The following TMOD1 variants were observed in gnomAD, a reference collection of about 807,000 sequenced individuals.
TMOD1 encodes tropomodulin 1, also known as tropomodulin-1.
TMOD1 carries 17 observed loss-of-function variants against 40.6 expected under a neutral mutation model. The observed-to-expected ratio is 0.42, with a 90% CI of 0.29 to 0.63. The LOEUF is 0.63. TMOD1 is among the 20% of genes least tolerant of loss of function. TMOD1 has a pLI of 0.22. For synonymous variants in TMOD1, 181 were observed against 175.0 expected (o/e 1.03, Z -0.27); for missense variants, 391 against 447.6 (o/e 0.87, Z 1.14).
intron 3 of TMOD1, among the ~76,000 whole-genome samples, chr9:97,552,756 C>T (rs1044140276): frequency 5.9e-5 from 9 of 152,202 alleles, no homozygotes; most frequent in African/African-American, 9.7e-5. Context: ...TCACCAGTTC[C>T]TATGGGTGGG....
At chr9:97,576,654 G>GA (rs1830945235) in intron 8 of TMOD1, among the ~76,000 whole-genome samples, 1 of 148,788 alleles carries the variant, frequency 6.7e-6, no homozygotes, top group African/African-American at 2.5e-5. Context: ...CTTTTTTTGA[G>GA]ACGGAGTCTT....
At chr9:97,501,517 A>G (rs139470141), upstream of TMOD1, 11,594 of 149,556 alleles carry the variant, frequency 0.078, 732 homozygotes, top group African/African-American at 0.18. Flanking sequence ...CCGACGGGGA[A>G]GTGCGCTGCG....
chr9:97,580,310 G>C (rs1469321913), intron 8 of TMOD1, among the ~76,000 whole-genome samples: 2 of 152,104 alleles, frequency 1.3e-5, no homozygotes, highest in African/African-American at 2.4e-5. Context: ...GCAGTTGTAA[G>C]AAATAATACA....
rs891420553 is a variant in TMOD1, at chr9:97,599,998, G to A, written c.*300G>A. 1 of 1,177,440 alleles carries A rather than the reference G, an allele frequency of 8.5e-7. No homozygotes were observed. The highest frequency in any genetic ancestry group is 1.6e-5 in the African/African-American group (1 of 64,334). 72.9% of individuals were successfully genotyped at this position (1,177,440 alleles called of 1,614,324 possible). ...TCCAGCAGCAGCGACTTAGCCCCAG[G>A]AGCCCAGTTTCAATGGCCTTGCTGT... On this transcript the variant is annotated 3_prime_UTR_variant, in exon 10 of 10. Coordinates refer to ENST00000259365, the MANE Select transcript of TMOD1 (RefSeq NM_003275.4).
At chr9:97,550,655 C>A (rs1245689644) in intron 3 of TMOD1, among the ~76,000 whole-genome samples, 2 of 152,140 alleles carry the variant, frequency 1.3e-5, no homozygotes, top group Admixed American at 1.3e-4. Flanking sequence ...TGCTTGTTGG[C>A]CATATGTATA....
intron 8 of TMOD1, among the ~76,000 whole-genome samples, chr9:97,577,728 GC>G (rs1289605711): frequency 6.6e-6 from 1 of 152,120 alleles, no homozygotes; most frequent in African/African-American, 2.4e-5. Flanking sequence ...CCAAGATCGT[GC>G]TATGCACTCC....
intron 1 of TMOD1, among the ~76,000 whole-genome samples, chr9:97,506,877 G>A (rs941670862): frequency 1.3e-5 from 2 of 152,228 alleles, no homozygotes; most frequent in African/African-American, 4.8e-5. Flanking sequence ...GGTTCAGTAG[G>A]TATGAGATGG....
At chr9:97,594,111 T>G (rs780329802) in intron 9 of TMOD1, among the ~76,000 whole-genome samples, 7 of 152,132 alleles carry the variant, frequency 4.6e-5, no homozygotes, top group South Asian at 2.1e-4. Context: ...CGTGGCAGTT[T>G]CCTGGACGGT....
chr9:97,521,805 T>C (rs558881501), intron 1 of TMOD1, among the ~76,000 whole-genome samples: 1 of 152,332 alleles, frequency 6.6e-6, no homozygotes, highest in African/African-American at 2.4e-5. Flanking sequence ...CTCCTGCAAA[T>C]AGGCCGACAC....
In TMOD1 at chr9:97,601,657, G is replaced by C. The variant is rs1327976627; in HGVS notation, c.*1959G>C. On this transcript the variant is annotated 3_prime_UTR_variant, in exon 10 of 10. Transcript: ENST00000259365. ...TTTCCGATTTTGCAGGCCACATAGT[G>C]TCTGTTGCAACTATTCAACTCTGCC... The C allele has an allele frequency of 1.2e-6, 1 of 841,690 alleles. No individual in the cohort carries two copies. Among genetic ancestry groups the C allele is most frequent in the Non-Finnish European group, 1.4e-6 (1 of 698,308 alleles). 52.1% of individuals were successfully genotyped at this position (841,690 alleles called of 1,614,324 possible).
chr9:97,524,499 T>G lies in TMOD1; in HGVS notation c.120+191T>G, dbSNP rs10982510. ...CCAGAGAAAGAGAGAACCAATAGGG[T>G]GTGTGTGTGTGTGTGTGTGTGTATG... On this transcript the variant is annotated intron_variant, in intron 2 of 9. Coordinates refer to ENST00000259365, the MANE Select transcript of TMOD1 (RefSeq NM_003275.4). Among the ~76,000 whole-genome samples, 10 of 142,200 alleles carry G rather than the reference T, an allele frequency of 7.0e-5. No homozygotes were observed. Among genetic ancestry groups the G allele is most frequent in the Middle Eastern group, 6.9e-3 (2 of 290 alleles). 93.3% of individuals were successfully genotyped at this position (142,200 alleles called of 152,430 possible). A position where few individuals can be genotyped will look rare whatever the true frequency, so the allele number is the denominator to read the frequency against.
At chr9:97,568,805 C>A in intron 7 of TMOD1, 89 bp from the exon 8 acceptor site, 1 of 1,471,982 alleles carries the variant, frequency 6.8e-7, no homozygotes, top group Non-Finnish European at 9.4e-7. Flanking sequence ...TCCTCCTGTT[C>A]CCCTAGGTGT....
chr9:97,525,456 A>C (rs1031330572), intron 2 of TMOD1, among the ~76,000 whole-genome samples: 2 of 152,256 alleles, frequency 1.3e-5, no homozygotes, highest in African/African-American at 4.8e-5. Flanking sequence ...AGATAGTTGT[A>C]GCTGGTATTT....
intron 1 of TMOD1, among the ~76,000 whole-genome samples, chr9:97,521,567 G>A (rs1359041668): frequency 6.6e-6 from 1 of 152,172 alleles, no homozygotes; most frequent in Non-Finnish European, 1.5e-5. Flanking sequence ...CTTCAGGAAG[G>A]TTTTTTCGTC....
At chr9:97,515,482 G>A (rs1829790349) in intron 1 of TMOD1, among the ~76,000 whole-genome samples, 1 of 151,780 alleles carries the variant, frequency 6.6e-6, no homozygotes, top group Non-Finnish European at 1.5e-5. Context: ...GTTTTGCCAT[G>A]TTGCCCAGGC....
At chr9:97,597,696 C>CAAAAAAAAAAAA (rs56273168) in intron 9 of TMOD1, among the ~76,000 whole-genome samples, 1 of 70,018 alleles carries the variant, frequency 1.4e-5, no homozygotes. Flanking sequence ...GACTCCGTCT[C>CAAAAAAAAAAAA]AAAAAAAAAA....
chr9:97,582,382 A>G (rs1196768279), intron 8 of TMOD1, among the ~76,000 whole-genome samples: 1 of 148,072 alleles, frequency 6.8e-6, no homozygotes, highest in East Asian at 2.0e-4. Flanking sequence ...TACCAGTACC[A>G]TGCTGTTTTG....
At chr9:97,528,542 A>T (rs1830050443) in intron 2 of TMOD1, among the ~76,000 whole-genome samples, 1 of 152,124 alleles carries the variant, frequency 6.6e-6, no homozygotes, top group African/African-American at 2.4e-5. Context: ...CTGTTACCTG[A>T]TTTGCAAGAC....
intron 2 of TMOD1, among the ~76,000 whole-genome samples, chr9:97,533,805 C>T (rs955240313): frequency 1.3e-5 from 2 of 152,202 alleles, no homozygotes; most frequent in African/African-American, 2.4e-5. Context: ...GGTGCAGCTT[C>T]GCTACAAGTA....
Sources: gnomAD v4.1 joint callset for allele counts (sites outside exome capture counted in the v4.1 genomes callset) on GRCh38, gnomAD v4.1.1 for gene constraint, MANE v1.5 for transcripts, NCBI Gene and HGNC (gene_info 2026-07-23, HGNC 2026-07-21) for gene names.